Variants in ITGA8 observed in about 807,000 individuals in gnomAD.
ITGA8 encodes the protein integrin subunit alpha 8.
ITGA8 carries 91 observed loss-of-function variants against 142.3 expected under a neutral mutation model. The ratio of observed to expected loss-of-function variants is 0.64; its 90% CI spans 0.54 to 0.76. ITGA8 has a LOEUF of 0.76. Ranked by LOEUF, ITGA8 falls within the 30% of genes least tolerant of loss-of-function variation. The pLI is 0.00. For missense variants in ITGA8, 1,406 were observed against 1,327.7 expected (o/e 1.06, Z -0.92); for synonymous variants, 505 against 485.2 (o/e 1.04, Z -0.54).
intron 27 of ITGA8, among the ~76,000 whole-genome samples, chr10:15,546,923 C>G (rs1833683842): frequency 1.3e-5 from 2 of 151,832 alleles, no homozygotes; most frequent in South Asian, 4.2e-4. Flanking sequence ...ACCTTTAAAA[C>G]AAAACTTTAA....
intron 8 of ITGA8, among the ~76,000 whole-genome samples, chr10:15,669,975 G>C (rs1834479003): frequency 1.3e-5 from 2 of 152,186 alleles, no homozygotes; most frequent in South Asian, 4.1e-4. Context: ...CCCACTTGAG[G>C]AGGCAGTCTG....
intron 28 of ITGA8, among the ~76,000 whole-genome samples, chr10:15,524,154 C>T (rs1351484055): frequency 2.2e-4 from 34 of 152,270 alleles, no homozygotes; most frequent in African/African-American, 7.0e-4. Context: ...GGTACTGAGG[C>T]GGCCCAATCT....
intron 8 of ITGA8, among the ~76,000 whole-genome samples, chr10:15,668,429 G>C (rs1426469476): frequency 7.4e-5 from 11 of 148,874 alleles, no homozygotes; most frequent in South Asian, 4.5e-4. Context: ...ACGTGAGATG[G>C]GTTTCCTGAA....
chr10:15,537,609 T>G (rs2131548461), intron 27 of ITGA8, among the ~76,000 whole-genome samples: 1 of 152,278 alleles, frequency 6.6e-6, no homozygotes, highest in African/African-American at 2.4e-5. Context: ...CGGAATAGAA[T>G]GTCGTGTATG....
At chr10:15,653,078 A>C (rs1354534783) in intron 11 of ITGA8, among the ~76,000 whole-genome samples, 1 of 152,198 alleles carries the variant, frequency 6.6e-6, no homozygotes, top group Non-Finnish European at 1.5e-5. Context: ...GCAGCTCCCC[A>C]GGGTTCACGC....
chr10:15,535,472 G>T (rs1048667669), intron 27 of ITGA8, among the ~76,000 whole-genome samples: 1 of 152,182 alleles, frequency 6.6e-6, no homozygotes, highest in Admixed American at 6.5e-5. Flanking sequence ...CACTGTGTAT[G>T]TAGCTCAAGG....
chr10:15,606,448 C>A (rs766844935), intron 17 of ITGA8, 26 bp from the exon 18 acceptor site: 60 of 1,575,502 alleles, frequency 3.8e-5, no homozygotes, highest in Non-Finnish European at 5.0e-5. Context: ...ACAAACTCAA[C>A]AGAGGCTCCA....
chr10:15,574,414 C>G (rs1467848188), intron 24 of ITGA8, among the ~76,000 whole-genome samples: 2 of 152,114 alleles, frequency 1.3e-5, no homozygotes, highest in Non-Finnish European at 2.9e-5. Flanking sequence ...ATTTTAGAGA[C>G]AGAGTCTCAC....
At chr10:15,613,384 T>C in intron 15 of ITGA8, among the ~76,000 whole-genome samples, 1 of 152,128 alleles carries the variant, frequency 6.6e-6, no homozygotes, top group Non-Finnish European at 1.5e-5. Flanking sequence ...ATACTTCTCA[T>C]CTCACCTAGA....
At chr10:15,684,699 T>C (rs1834804257) in intron 3 of ITGA8, among the ~76,000 whole-genome samples, 1 of 143,954 alleles carries the variant, frequency 6.9e-6, no homozygotes, top group South Asian at 2.3e-4. Flanking sequence ...TTTTTTTTTT[T>C]GCCCGAAGAA....
At chr10:15,694,426 CAT>C (rs1192309855) in intron 2 of ITGA8, among the ~76,000 whole-genome samples, 1 of 134,580 alleles carries the variant, frequency 7.4e-6, no homozygotes, top group African/African-American at 2.8e-5. Context: ...GATAATATAT[CAT>C]ATATATGATA....
At chr10:15,665,136 T>A (rs1021914701) in intron 8 of ITGA8, among the ~76,000 whole-genome samples, 1 of 152,206 alleles carries the variant, frequency 6.6e-6, no homozygotes, top group Non-Finnish European at 1.5e-5. Context: ...CCACCAACAG[T>A]GTGAAAGTGT....
At chr10:15,542,756 C>G (rs534269102) in intron 27 of ITGA8, among the ~76,000 whole-genome samples, 1 of 152,286 alleles carries the variant, frequency 6.6e-6, no homozygotes, top group African/African-American at 2.4e-5. Context: ...ATCTATGTCT[C>G]AGTTTGCTCA....
At chr10:15,613,964 A>G (rs1337909234) in intron 14 of ITGA8, among the ~76,000 whole-genome samples, 197 bp from the exon 15 acceptor site, 2 of 152,154 alleles carry the variant, frequency 1.3e-5, no homozygotes, top group Non-Finnish European at 2.9e-5. Flanking sequence ...TTACCTCAAA[A>G]CACATCTGGA....
At chr10:15,695,395 A>G (rs932254032) in intron 2 of ITGA8, among the ~76,000 whole-genome samples, 1 of 152,154 alleles carries the variant, frequency 6.6e-6, no homozygotes, top group Non-Finnish European at 1.5e-5. Flanking sequence ...TAACATTGTA[A>G]TTGAATAAAA....
At chr10:15,569,524 G>A (rs1311592105) in intron 25 of ITGA8, among the ~76,000 whole-genome samples, 3 of 152,164 alleles carry the variant, frequency 2.0e-5, no homozygotes, top group Non-Finnish European at 4.4e-5. Context: ...TATTTCTGCT[G>A]CCTCCCTGTT....
intron 8 of ITGA8, among the ~76,000 whole-genome samples, chr10:15,663,506 C>T (rs1351952261): frequency 6.6e-6 from 1 of 151,894 alleles, no homozygotes; most frequent in African/African-American, 2.4e-5. Context: ...ACAATATACT[C>T]TTGTGCATCA....
intron 20 of ITGA8, among the ~76,000 whole-genome samples, chr10:15,602,614 C>G (rs961500929): frequency 4.6e-5 from 7 of 151,904 alleles, no homozygotes; most frequent in African/African-American, 1.7e-4. Flanking sequence ...GGTGCACACC[C>G]GTAGTCCTAG....
chr10:15,575,560 G>A lies in ITGA8; in HGVS notation c.2407C>T (p.His803Tyr), dbSNP rs567106533. The A allele has an allele frequency of 1.9e-5, 30 of 1,613,970 alleles. No homozygotes were observed. In the East Asian group the frequency reaches 6.0e-4, roughly 32 times the overall value. The change falls in exon 24 of 30, where the codon CAT becomes TAT. Residue 803 changes from histidine (H) to tyrosine (Y), a missense_variant. His to Tyr is a moderately conservative substitution (Grantham distance 83). Coordinates refer to ENST00000378076, the MANE Select transcript of ITGA8 (RefSeq NM_003638.3). ...SHPPQIVLPI[H>Y]NWEPEEEPHK... ...GGCTCCTCTTCTGGTTCCCAGTTATGAATGGGCAGAACAATCTGCGGAGGG... is the reference window on the plus strand; with the variant it reads ...GGCTCCTCTTCTGGTTCCCAGTTATAAATGGGCAGAACAATCTGCGGAGGG...
Sources: gnomAD v4.1 joint callset for allele counts (sites outside exome capture counted in the v4.1 genomes callset) on GRCh38, gnomAD v4.1.1 for gene constraint, MANE v1.5 for transcripts, NCBI Gene and HGNC (gene_info 2026-07-23, HGNC 2026-07-21) for gene names.